SLC35F3: variants seen among roughly 807,000 people sequenced by gnomAD.
SLC35F3 encodes putative thiamine transporter SLC35F3.
Under a neutral mutation model 49.9 loss-of-function variants are expected in SLC35F3, and 25 were observed. The ratio of observed to expected loss-of-function variants is 0.50; its 90% CI spans 0.37 to 0.70. SLC35F3 has a LOEUF of 0.70. Among genes scored for constraint, SLC35F3 ranks in the 30% least tolerant of loss-of-function variants. SLC35F3 has a pLI of 0.00. For synonymous variants in SLC35F3, 275 were observed against 265.4 expected, an observed-to-expected ratio of 1.04 and a Z score of -0.35; for missense variants, 525 against 639.8, an observed-to-expected ratio of 0.82 and a Z score of 1.94.
At chr1:233,960,091 C>T (rs1296113284) in intron 2 of SLC35F3, among the ~76,000 whole-genome samples, 1 of 152,240 alleles carries the variant, frequency 6.6e-6, no homozygotes, top group Admixed American at 6.5e-5. Context: ...TTGTTGCAAT[C>T]TAGATCCCGA....
chr1:234,002,729 C>T (rs972320541), intron 2 of SLC35F3, among the ~76,000 whole-genome samples: 3 of 152,100 alleles, frequency 2.0e-5, no homozygotes, highest in African/African-American at 7.2e-5. Context: ...CATAGCCCAC[C>T]CTTAAGGAGG....
At chr1:233,971,356 A>G (rs1391181433) in intron 2 of SLC35F3, among the ~76,000 whole-genome samples, 1 of 152,240 alleles carries the variant, frequency 6.6e-6, no homozygotes, top group Non-Finnish European at 1.5e-5. Context: ...GTCTGGTGAC[A>G]GCAAGGAAAG....
rs117217245 is a variant in SLC35F3, at chr1:234,246,570, T to C, written c.608+14829T>C. 1.6e-3 allele frequency among the ~76,000 whole-genome samples: 251 copies of C among 152,368 alleles called. 8 individuals are homozygous for C. In the East Asian group the frequency reaches 0.042, roughly 26 times the overall value. On this transcript the variant is annotated intron_variant, in intron 3 of 7. Transcript: ENST00000366618. ...TTTTCTGTCCATGAATCTTCTGGAT[T>C]CCTTTTTCCATACTGATGTTTTCCC...
At chr1:234,212,399 T>G (rs1302499326) in intron 2 of SLC35F3, among the ~76,000 whole-genome samples, 2 of 152,246 alleles carry the variant, frequency 1.3e-5, no homozygotes, top group Non-Finnish European at 2.9e-5. Context: ...CACGTATCTC[T>G]CAGCTGACTT....
chr1:234,068,538 C>T (rs1664654396), intron 2 of SLC35F3, among the ~76,000 whole-genome samples: 1 of 151,824 alleles, frequency 6.6e-6, no homozygotes, highest in African/African-American at 2.4e-5. Flanking sequence ...GAGAAGCCAT[C>T]ATAGAACCCA....
At chr1:233,961,206 G>A (rs1558190165) in intron 2 of SLC35F3, among the ~76,000 whole-genome samples, 1 of 152,158 alleles carries the variant, frequency 6.6e-6, no homozygotes, top group Non-Finnish European at 1.5e-5. Flanking sequence ...AGTATCCGCT[G>A]AATGCTCGAA....
At chr1:234,292,373 G>C (rs1454188128) in intron 3 of SLC35F3, among the ~76,000 whole-genome samples, 1 of 152,214 alleles carries the variant, frequency 6.6e-6, no homozygotes, top group Non-Finnish European at 1.5e-5. Context: ...TATGCCTAGT[G>C]TTCCATTATT....
chr1:233,950,157 T>A (rs1379163961), intron 2 of SLC35F3, among the ~76,000 whole-genome samples: 1 of 151,792 alleles, frequency 6.6e-6, no homozygotes, highest in Non-Finnish European at 1.5e-5. Flanking sequence ...GAGGCTGAGG[T>A]GGGTGGATCA....
At chr1:234,305,523 C>A (rs976635174) in intron 3 of SLC35F3, among the ~76,000 whole-genome samples, 2 of 151,918 alleles carry the variant, frequency 1.3e-5, no homozygotes, top group Non-Finnish European at 2.9e-5. Flanking sequence ...GCTGGGACTA[C>A]AGGCGCGCAC....
At chr1:234,065,120 T>A (rs1464904928) in intron 2 of SLC35F3, among the ~76,000 whole-genome samples, 1 of 152,038 alleles carries the variant, frequency 6.6e-6, no homozygotes, top group Non-Finnish European at 1.5e-5. Flanking sequence ...AGGGAGACTG[T>A]GAAAAGTGAT....
intron 2 of SLC35F3, among the ~76,000 whole-genome samples, chr1:234,135,073 T>A (rs1665789978): frequency 6.6e-6 from 1 of 152,128 alleles, no homozygotes; most frequent in Non-Finnish European, 1.5e-5. Flanking sequence ...AGACAGAGAA[T>A]GAGGACATGC....
intron 2 of SLC35F3, among the ~76,000 whole-genome samples, chr1:234,157,562 G>A (rs1329582297): frequency 3.3e-5 from 5 of 152,158 alleles, no homozygotes; most frequent in Non-Finnish European, 5.9e-5. Context: ...TGAAAACACA[G>A]TGCAAGCATG....
intron 6 of SLC35F3, among the ~76,000 whole-genome samples, chr1:234,319,740 C>CA (rs1302984245): frequency 6.7e-6 from 1 of 148,312 alleles, no homozygotes; most frequent in Non-Finnish European, 1.5e-5. Flanking sequence ...AACAAAAAAA[C>CA]AAAAAACAAT....
intron 2 of SLC35F3, among the ~76,000 whole-genome samples, chr1:234,217,573 G>C (rs903213869): frequency 7.9e-5 from 12 of 152,170 alleles, no homozygotes; most frequent in African/African-American, 2.9e-4. Flanking sequence ...GGTTTCTACA[G>C]AGGAATACTT....
At chr1:233,913,040 G>A (rs576192917) in intron 2 of SLC35F3, among the ~76,000 whole-genome samples, 3 of 152,298 alleles carry the variant, frequency 2.0e-5, no homozygotes, top group East Asian at 1.9e-4. Flanking sequence ...ACTTACTGGA[G>A]TAGGTAAAAT....
At chr1:234,019,353 A>G (rs1238363393) in intron 2 of SLC35F3, among the ~76,000 whole-genome samples, 1 of 148,748 alleles carries the variant, frequency 6.7e-6, no homozygotes, top group Non-Finnish European at 1.5e-5. Context: ...GTGCATGTAT[A>G]TGTGTGTGTG....
intron 2 of SLC35F3, among the ~76,000 whole-genome samples, chr1:233,985,911 G>A (rs1322961963): frequency 2.0e-5 from 3 of 152,190 alleles, no homozygotes; most frequent in South Asian, 4.1e-4. Flanking sequence ...GCTTTTAAGT[G>A]TCTTCCTTTG....
chr1:234,223,734 C>G (rs953817183), intron 2 of SLC35F3, among the ~76,000 whole-genome samples: 5 of 152,200 alleles, frequency 3.3e-5, no homozygotes, highest in African/African-American at 1.2e-4. Context: ...GCACAGTACA[C>G]TCTCTACTGT....
At chr1:234,060,538 C>A (rs1312355176) in intron 2 of SLC35F3, among the ~76,000 whole-genome samples, 1 of 152,138 alleles carries the variant, frequency 6.6e-6, no homozygotes, top group African/African-American at 2.4e-5. Flanking sequence ...CTTCCACCTC[C>A]CAGGCTCAAG....
Sources: gnomAD v4.1 joint callset for allele counts (sites outside exome capture counted in the v4.1 genomes callset) on GRCh38, gnomAD v4.1.1 for gene constraint, MANE v1.5 for transcripts, NCBI Gene and HGNC (gene_info 2026-07-23, HGNC 2026-07-21) for gene names.